The following ZNF451 variants were observed in gnomAD, a reference collection of about 807,000 sequenced individuals.
ZNF451 encodes the protein E3 SUMO-protein ligase ZNF451.
ZNF451 carries 80 observed loss-of-function variants against 107.1 expected under a neutral mutation model. The ratio of observed to expected loss-of-function variants is 0.75; its 90% confidence interval spans 0.62 to 0.90. The LOEUF (loss-of-function observed/expected upper bound fraction) is 0.90. ZNF451 is among the 40% of genes least tolerant of loss of function. The probability of loss-of-function intolerance (pLI) is 0.00; values close to 1 mark genes in which losing one functional copy is unlikely to be tolerated. For synonymous variants in ZNF451, 362 were observed against 406.5 expected (o/e 0.89, Z 1.32); for missense variants, 1,107 against 1,236.2 (o/e 0.90, Z 1.57).
At chr6:57,151,040 T>C in intron 11 of ZNF451, 178 bp downstream of exon 11, 1 of 711,346 alleles carries the variant, frequency 1.4e-6, no homozygotes, top group East Asian at 2.9e-5. Context: ...CTGTGGTAAA[T>C]GTTAGCTCTA....
chr6:57,133,372 A>G (rs1831274768), intron 6 of ZNF451, among the ~76,000 whole-genome samples, 180 bp downstream of exon 6: 1 of 152,188 alleles, frequency 6.6e-6, no homozygotes, highest in Non-Finnish European at 1.5e-5. Context: ...AGATTTTTCT[A>G]GTGGGTGTAG....
At chr6:57,117,074 C>T (rs1830408732) in intron 3 of ZNF451, among the ~76,000 whole-genome samples, 1 of 152,074 alleles carries the variant, frequency 6.6e-6, no homozygotes, top group Non-Finnish European at 1.5e-5. Context: ...AGAGAATAAA[C>T]AGATCAGCAG....
At chr6:57,108,652 C>A in intron 3 of ZNF451, 1 of 985,360 alleles carries the variant, frequency 1.0e-6, no homozygotes, top group Non-Finnish European at 1.2e-6. Context: ...GTGTATTGAT[C>A]TTTCTTTAAT....
At chr6:57,158,297 C>T (rs1052468141) in intron 13 of ZNF451, among the ~76,000 whole-genome samples, 73 of 151,542 alleles carry the variant, frequency 4.8e-4, no homozygotes, top group African/African-American at 1.7e-3. Flanking sequence ...AGGGACATTG[C>T]AGAGTTTATA....
intron 14 of ZNF451, among the ~76,000 whole-genome samples, chr6:57,166,296 C>T (rs1346720305): frequency 6.6e-6 from 1 of 152,056 alleles, no homozygotes; most frequent in Non-Finnish European, 1.5e-5. Flanking sequence ...CCAAAGTACT[C>T]GGATTAAGAC....
chr6:57,153,658 C>T (rs1188950579), intron 12 of ZNF451, among the ~76,000 whole-genome samples: 2 of 152,196 alleles, frequency 1.3e-5, no homozygotes, highest in East Asian at 1.9e-4. Flanking sequence ...AGCGATCCAC[C>T]TGCTTTAGCC....
intron 3 of ZNF451, chr6:57,103,028 A>T: frequency 1.0e-6 from 1 of 985,416 alleles, no homozygotes; most frequent in South Asian, 4.7e-5. Context: ...CCTTCTAAAC[A>T]TTTAATTCTT....
intron 3 of ZNF451, chr6:57,115,361 T>G (rs1830317958): frequency 6.6e-6 from 1 of 152,194 alleles, no homozygotes; most frequent in South Asian, 2.1e-4. Context: ...ATTATGGGAT[T>G]TTGTGTCAGG....
intron 13 of ZNF451, among the ~76,000 whole-genome samples, chr6:57,156,352 T>C (rs1462089773): frequency 6.6e-6 from 1 of 152,152 alleles, no homozygotes; most frequent in Non-Finnish European, 1.5e-5. Flanking sequence ...TCCTAACAAA[T>C]AGCTTTGTGA....
rs151184807 is a variant in ZNF451 at position 57,111,785 on chromosome 6, G to A, written c.186+12644G>A. Among the ~76,000 whole-genome samples the A allele has an allele frequency of 2.2e-3, 338 of 152,328 alleles. 7 individuals carry two copies. The highest frequency in any genetic ancestry group is 0.019 in the Admixed American group (296 of 15,296). The stretch of plus-strand genomic sequence containing the variant: ...TAAAATGATTTTTATAGAGATAGAT[G>A]TTGGCAGTTTACTCAAAAGAGAATA... On this transcript the variant is annotated intron_variant, in intron 3 of 14. Coordinates refer to ENST00000370706, the MANE Select transcript of ZNF451 (RefSeq NM_001031623.3).
In ZNF451 at chr6:57,118,318, A is replaced by C. The variant is rs554690842; in HGVS notation, c.187-6416A>C. ...GGACTTTCAAGCATGACTTTTGTTA[A>C]AGTTTAAAACCTAGAAAGTATTATC... is the stretch of plus-strand genomic sequence containing the variant. On this transcript the variant is annotated intron_variant, in intron 3 of 14. Transcript: ENST00000370706. 2.6e-5 allele frequency among the ~76,000 whole-genome samples: 4 copies of C among 152,262 alleles called. No individual in the cohort carries two copies. In the South Asian group the frequency reaches 8.3e-4, roughly 32 times the overall value.
intron 13 of ZNF451, chr6:57,160,804 G>A (rs374742240): frequency 3.6e-6 from 1 of 277,726 alleles, no homozygotes; most frequent in African/African-American, 2.2e-5. Flanking sequence ...AAGACATCAG[G>A]TAAGTAAGTT....
intron 13 of ZNF451, among the ~76,000 whole-genome samples, chr6:57,157,227 A>T (rs1239268797): frequency 6.6e-6 from 1 of 152,202 alleles, no homozygotes; most frequent in Non-Finnish European, 1.5e-5. Flanking sequence ...AGTGGTTTTT[A>T]TTAGACTAAA....
chr6:57,092,818 T>C (rs1296049666), intron 2 of ZNF451: 1 of 152,210 alleles, frequency 6.6e-6, no homozygotes, highest in Non-Finnish European at 1.5e-5. Context: ...TTCTGTGATT[T>C]GTAGAATACA....
Position 57,168,420 on chromosome 6 carries a change from C to G in ZNF451, c.3140-3C>G, listed in dbSNP as rs1292375005. On this transcript the variant is annotated splice_polypyrimidine_tract_variant and splice_region_variant and intron_variant, in intron 14 of 14. Transcript: ENST00000370706. ...TGTTAAAATTCTATGTTTTTTAATG[C>G]AGATGTGGAATTAGAAGAAGCTATT... 1 of 1,599,662 alleles carries G rather than the reference C, an allele frequency of 6.3e-7. No individual in the cohort carries two copies. The highest frequency in any genetic ancestry group is 8.5e-7 in the Non-Finnish European group (1 of 1,170,740).
intron 7 of ZNF451, among the ~76,000 whole-genome samples, chr6:57,138,725 A>ATGTG (rs1256642481): frequency 2.5e-4 from 29 of 116,380 alleles, no homozygotes; most frequent in South Asian, 5.4e-4. Flanking sequence ...ATATATATAT[A>ATGTG]TATATATATA....
At chr6:57,158,127 C>T (rs1215223499) in intron 13 of ZNF451, among the ~76,000 whole-genome samples, 1 of 152,188 alleles carries the variant, frequency 6.6e-6, no homozygotes, top group Admixed American at 6.5e-5. Flanking sequence ...AGTCACAGAG[C>T]AAGTGCTTTG....
At chr6:57,099,584 G>A in intron 3 of ZNF451, 1 of 708,904 alleles carries the variant, frequency 1.4e-6, no homozygotes. Flanking sequence ...TGGGGGAAGG[G>A]TTTATAGGGG....
chr6:57,129,557 A>G (rs1831085882), intron 5 of ZNF451, among the ~76,000 whole-genome samples: 1 of 152,210 alleles, frequency 6.6e-6, no homozygotes, highest in African/African-American at 2.4e-5. Flanking sequence ...TATGCATGCA[A>G]TGCTTAACTT....
Sources: gnomAD v4.1 joint callset for allele counts (sites outside exome capture counted in the v4.1 genomes callset) on GRCh38, gnomAD v4.1.1 for gene constraint, MANE v1.5 for transcripts, NCBI Gene and HGNC (gene_info 2026-07-23, HGNC 2026-07-21) for gene names.